The following BICD1 variants were observed in gnomAD, a reference collection of about 807,000 sequenced individuals.
BICD1 encodes the protein BICD cargo adaptor 1.
Under a neutral mutation model 92.5 loss-of-function variants are expected in BICD1, and 35 were observed. The ratio of observed to expected loss-of-function variants is 0.38; its 90% CI spans 0.29 to 0.50. BICD1 has a LOEUF of 0.50. Ranked by LOEUF, BICD1 falls within the 20% of genes least tolerant of loss-of-function variation. BICD1 has a pLI of 0.93. For synonymous variants in BICD1, 429 were observed against 465.1 expected (o/e 0.92, Z 1.00); for missense variants, 950 against 1,189.8 (o/e 0.80, Z 2.97).
Position 32,107,344 on chromosome 12 carries a change from G to A in BICD1, c.13G>A (p.Glu5Lys), listed in dbSNP as rs1176204686. 2.5e-6 allele frequency: 4 copies of A among 1,604,738 alleles called. No homozygotes were observed. Among genetic ancestry groups the A allele is most frequent in the African/African-American group, 2.7e-5 (2 of 74,838 alleles). The change falls in exon 1 of 10, where the codon GAG becomes AAG. Residue 5 changes from glutamate (E) to lysine (K), a missense_variant. Transcript: ENST00000652176. MAAE[E>K]VLQTVDHYKT... ...ATCCACCGGGGCTATGGCCGCAGAA[G>A]AGGTATTGCAGACGGTGGACCATTA... is the stretch of plus-strand genomic sequence containing the variant.
At chr12:32,107,960 T>C in intron 1 of BICD1, 1 of 484,648 alleles carries the variant, frequency 2.1e-6, no homozygotes, top group Non-Finnish European at 3.8e-6. Flanking sequence ...ATTTCAGGAT[T>C]TAGACTGTGT....
At chr12:32,312,874 TG>T (rs1307240456) in intron 4 of BICD1, among the ~76,000 whole-genome samples, 1 of 152,258 alleles carries the variant, frequency 6.6e-6, no homozygotes, top group East Asian at 1.9e-4. Flanking sequence ...TTTGGTTTTT[TG>T]GTGCCCTCAA....
At chr12:32,300,432 T>C (rs1948005096) in intron 3 of BICD1, among the ~76,000 whole-genome samples, 1 of 151,512 alleles carries the variant, frequency 6.6e-6, no homozygotes, top group Non-Finnish European at 1.5e-5. Context: ...CAACCTCTGG[T>C]CTAGGCCATC....
intron 1 of BICD1, among the ~76,000 whole-genome samples, chr12:32,148,900 T>A (rs990036982): frequency 1.3e-5 from 2 of 151,882 alleles, no homozygotes; most frequent in Non-Finnish European, 2.9e-5. Context: ...CACACCTGTA[T>A]TCCCAGCTCC....
intron 1 of BICD1, among the ~76,000 whole-genome samples, chr12:32,123,091 G>A (rs753347573): frequency 6.6e-6 from 1 of 151,394 alleles, no homozygotes; most frequent in Non-Finnish European, 1.5e-5. Context: ...TAGATAGCAC[G>A]TTAGATCATC....
At chr12:32,374,866 C>T (rs1939877192) in intron 9 of BICD1, among the ~76,000 whole-genome samples, 1 of 137,996 alleles carries the variant, frequency 7.2e-6, no homozygotes, top group African/African-American at 2.7e-5. Flanking sequence ...GGATTGCAGG[C>T]GTGAGCCACT....
At chr12:32,193,046 C>G (rs951184609) in intron 1 of BICD1, among the ~76,000 whole-genome samples, 1 of 152,182 alleles carries the variant, frequency 6.6e-6, no homozygotes, top group African/African-American at 2.4e-5. Flanking sequence ...TAGTTGATAA[C>G]CAGTGGCAGA....
intron 4 of BICD1, among the ~76,000 whole-genome samples, chr12:32,325,501 A>C (rs1006509131): frequency 6.6e-6 from 1 of 152,206 alleles, no homozygotes; most frequent in Non-Finnish European, 1.5e-5. Context: ...TAACTAAAGC[A>C]TAGTAACTGA....
At chr12:32,139,558 GT>G (rs1156722883) in intron 1 of BICD1, among the ~76,000 whole-genome samples, 3 of 152,116 alleles carry the variant, frequency 2.0e-5, no homozygotes, top group Non-Finnish European at 4.4e-5. Flanking sequence ...GGCACAAAGG[GT>G]TTTTTTGTTT....
chr12:32,280,391 A>C (rs947898381), intron 2 of BICD1, among the ~76,000 whole-genome samples: 2 of 152,232 alleles, frequency 1.3e-5, no homozygotes, highest in African/African-American at 2.4e-5. Context: ...TTTGTGAAGA[A>C]GTGATAAGAC....
intron 2 of BICD1, among the ~76,000 whole-genome samples, chr12:32,246,952 T>C (rs1250878878): frequency 6.6e-6 from 1 of 152,038 alleles, no homozygotes; most frequent in Non-Finnish European, 1.5e-5. Context: ...GTTTTGATCA[T>C]GTTTAGTTCA....
At chr12:32,129,582 G>A (rs1395466595) in intron 1 of BICD1, among the ~76,000 whole-genome samples, 1 of 150,658 alleles carries the variant, frequency 6.6e-6, no homozygotes, top group Non-Finnish European at 1.5e-5. Flanking sequence ...TGTTTCCCAG[G>A]CTGGTCTCAA....
At chr12:32,293,560 C>A (rs761791863) in intron 2 of BICD1, among the ~76,000 whole-genome samples, 24 of 151,790 alleles carry the variant, frequency 1.6e-4, no homozygotes, top group Non-Finnish European at 3.2e-4. Flanking sequence ...AAACTCCTGA[C>A]CTCAGGTGAT....
chr12:32,268,815 TG>T (rs1947065698), intron 2 of BICD1, among the ~76,000 whole-genome samples: 1 of 152,018 alleles, frequency 6.6e-6, no homozygotes. Flanking sequence ...TAAAATAAGG[TG>T]GAATTTTCAC....
chr12:32,204,761 G>C (rs1234041909), intron 1 of BICD1, among the ~76,000 whole-genome samples: 1 of 152,122 alleles, frequency 6.6e-6, no homozygotes, highest in Non-Finnish European at 1.5e-5. Context: ...GATGCCCTGG[G>C]GAACCACAGC....
chr12:32,130,662 T>A (rs542694373), intron 1 of BICD1, among the ~76,000 whole-genome samples: 6 of 152,138 alleles, frequency 3.9e-5, no homozygotes, highest in Admixed American at 2.6e-4. Context: ...GTATGTCAGT[T>A]CCCAAATACC....
chr12:32,130,573 G>A (rs1418642974), intron 1 of BICD1, among the ~76,000 whole-genome samples: 1 of 152,178 alleles, frequency 6.6e-6, no homozygotes, highest in Non-Finnish European at 1.5e-5. Flanking sequence ...CTTTGAGAAC[G>A]TGGATTGGCA....
chr12:32,269,132 C>T (rs976341901), intron 2 of BICD1, among the ~76,000 whole-genome samples: 3 of 151,928 alleles, frequency 2.0e-5, no homozygotes, highest in African/African-American at 7.3e-5. Flanking sequence ...CAATAATGTG[C>T]CCACAGCTGC....
At chr12:32,233,093 G>A (rs976886887) in intron 2 of BICD1, among the ~76,000 whole-genome samples, 1 of 152,000 alleles carries the variant, frequency 6.6e-6, no homozygotes, top group Non-Finnish European at 1.5e-5. Flanking sequence ...AGGCCAAGGC[G>A]GGCATATCAC....
Sources: allele counts gnomAD v4.1 joint callset (sites outside exome capture counted in the v4.1 genomes callset), GRCh38; gene constraint gnomAD v4.1.1; transcripts MANE v1.5; gene names NCBI Gene and HGNC (gene_info 2026-07-23, HGNC 2026-07-21).